CDC5L: variants seen among roughly 807,000 people sequenced by gnomAD.
CDC5L encodes the protein cell division cycle 5-like protein.
CDC5L carries 18 observed loss-of-function variants against 104.1 expected under a neutral mutation model. That is an observed-to-expected ratio of 0.17 (90% CI 0.12 to 0.26). CDC5L has a LOEUF of 0.26. CDC5L is among the 10% of genes least tolerant of loss of function. The pLI, the probability that CDC5L is intolerant of heterozygous loss-of-function variation, is 1.00. For synonymous variants in CDC5L, 331 were observed against 322.7 expected (o/e 1.03, Z -0.28); for missense variants, 673 against 956.9 (o/e 0.70, Z 3.91).
intron 1 of CDC5L, among the ~76,000 whole-genome samples, chr6:44,389,521 G>T (rs991272501): frequency 6.6e-6 from 1 of 152,188 alleles, no homozygotes; most frequent in Non-Finnish European, 1.5e-5. Flanking sequence ...GGCTTGGCTT[G>T]CCAGGCTTCC....
At chr6:44,390,722 AAATT>A (rs1298481633) in intron 2 of CDC5L, among the ~76,000 whole-genome samples, 1 of 152,178 alleles carries the variant, frequency 6.6e-6, no homozygotes, top group East Asian at 1.9e-4. Context: ...CCCAGCTTGT[AAATT>A]AATTGTGTTC....
chr6:44,388,425 G>A (rs1790449243), intron 1 of CDC5L, among the ~76,000 whole-genome samples: 1 of 152,060 alleles, frequency 6.6e-6, no homozygotes, highest in Admixed American at 6.5e-5. Context: ...CAGATCCCAA[G>A]GTCTGTCTCT....
At chr6:44,408,006 C>T (rs1791451537) in intron 7 of CDC5L, among the ~76,000 whole-genome samples, 1 of 152,052 alleles carries the variant, frequency 6.6e-6, no homozygotes, top group Non-Finnish European at 1.5e-5. Flanking sequence ...TGCTATTTTA[C>T]ATTCTTGGTA....
rs1329168496 is a variant in CDC5L at position 44,449,631 on chromosome 6, G to C, written c.*2920G>C. 2 of 152,052 alleles carry C rather than the reference G, an allele frequency of 1.3e-5. No individual in the cohort carries two copies. The allele number at this position is 152,052 out of a possible 1,614,324, so 9.4% of individuals were successfully genotyped here. On this transcript the variant is annotated 3_prime_UTR_variant, in exon 16 of 16. Coordinates refer to ENST00000371477, the MANE Select transcript of CDC5L (RefSeq NM_001253.4). Reference sequence around the variant, plus strand: ...TAACTTTGGGATAGAAATAAAATGTGATAAAAAGCTGAAAGAAACCACCAC... The same window carrying C: ...TAACTTTGGGATAGAAATAAAATGTCATAAAAAGCTGAAAGAAACCACCAC...
At chr6:44,411,637 A>AGAGAGAGAGAGAGTGTGTGTGTGT in intron 8 of CDC5L, among the ~76,000 whole-genome samples, 1 of 123,746 alleles carries the variant, frequency 8.1e-6, no homozygotes, top group East Asian at 5.4e-4. Flanking sequence ...AGAGAGAGAG[A>AGAGAGAGAGAGAGTGTGTGTGTGT]GTGTGTGTGT....
rs934263618 is a variant in CDC5L at position 44,396,324 on chromosome 6, T to A, written c.440-17T>A. On this transcript the variant is annotated splice_polypyrimidine_tract_variant and intron_variant, in intron 4 of 15. Transcript: ENST00000371477. ...AACTAAGAAAATACTTAGTTTTTCTTCTTTTAATTTTTGCAGATGAACTTG... is the reference window on the plus strand; with the variant it reads ...AACTAAGAAAATACTTAGTTTTTCTACTTTTAATTTTTGCAGATGAACTTG... The A allele has an allele frequency of 3.8e-6, 6 of 1,575,110 alleles. No homozygotes were observed. In the Admixed American group the frequency reaches 7.0e-5, roughly 18 times the overall value.
At chr6:44,407,428 G>A (rs9395014) in intron 7 of CDC5L, among the ~76,000 whole-genome samples, 1 of 151,984 alleles carries the variant, frequency 6.6e-6, no homozygotes, top group East Asian at 1.9e-4. Context: ...CCGCGTTCAA[G>A]CGATTCTCCT....
chr6:44,447,124 A>G lies in CDC5L; in HGVS notation c.*413A>G, dbSNP rs370589316. ...AGCTATGTACTCTGTGTCATATTTA[A>G]TGAGTAACTCTTGGGTAATCAAAAT... On this transcript the variant is annotated 3_prime_UTR_variant, in exon 16 of 16. Transcript: ENST00000371477. 113 of 153,164 alleles carry G rather than the reference A, an allele frequency of 7.4e-4. 1 individual carries two copies. In the South Asian group the frequency reaches 0.012, roughly 16 times the overall value. The allele number at this position is 153,164 out of a possible 1,614,324, so 9.5% of individuals were successfully genotyped here.
At position 44,426,603 on chromosome 6, in the gene CDC5L, C is replaced by G. The variant is rs61753598; in HGVS notation, c.1772C>G (p.Pro591Arg). 42 of 1,613,388 alleles carry G rather than the reference C, an allele frequency of 2.6e-5. No individual in the cohort carries two copies. Among genetic ancestry groups the G allele is most frequent in the Admixed American group, 3.3e-5 (2 of 59,972 alleles). ...CTTCATTATGACCTTCTACATCACC[C>G]TTATGAACCATCTGGAAATAAAAAA... is the stretch of plus-strand genomic sequence containing the variant. ...TMLHYDLLHHPYEPSGNKKGK... is the reference protein window; with the variant it reads ...TMLHYDLLHHRYEPSGNKKGK... Residue 591 changes from proline to arginine, a missense_variant, in exon 13 of 16, where the codon CCT becomes CGT. Coordinates refer to ENST00000371477, the MANE Select transcript of CDC5L (RefSeq NM_001253.4).
Position 44,426,631 on chromosome 6 carries a change from C to G in CDC5L, c.1800C>G (p.Gly600=). 1.2e-6 allele frequency: 2 copies of G among 1,613,284 alleles called. No homozygotes were observed. The highest frequency in any genetic ancestry group is 8.5e-7 in the Non-Finnish European group (1 of 1,179,512). ...HPYEPSGNKK[G]KTVGFGTNNS... is the part of the protein sequence containing the mutation. ...ATGAACCATCTGGAAATAAAAAAGGCAAAACTGTAGGGTTTGGTACCAATA... is the reference window on the plus strand; with the variant it reads ...ATGAACCATCTGGAAATAAAAAAGGGAAAACTGTAGGGTTTGGTACCAATA... The change falls in exon 13 of 16, where the codon GGC becomes GGG. Residue 600 remains glycine, a synonymous_variant. Coordinates refer to ENST00000371477, the MANE Select transcript of CDC5L (RefSeq NM_001253.4).
intron 14 of CDC5L, among the ~76,000 whole-genome samples, chr6:44,437,543 A>C (rs1792993735): frequency 6.6e-6 from 1 of 152,222 alleles, no homozygotes; most frequent in Non-Finnish European, 1.5e-5. Flanking sequence ...TTGAGCCAGA[A>C]GACTTGCAAA....
Position 44,450,052 on chromosome 6 carries a change from TG to T in CDC5L, c.*3345del, listed in dbSNP as rs1411090485. ...CTAATTTTTGTGTTTTTAGTAGAGA[TG>T]GGGTTTTGCTATGTTGGCCAGGCTG... On this transcript the variant is annotated 3_prime_UTR_variant, in exon 16 of 16. Transcript: ENST00000371477. The T allele has an allele frequency of 2.6e-5, 4 of 152,008 alleles. No individual in the cohort carries two copies. Among genetic ancestry groups the T allele is most frequent in the African/African-American group, 9.6e-5 (4 of 41,478 alleles). 9.4% of individuals were successfully genotyped at this position (152,008 alleles called of 1,614,324 possible). A position where few individuals can be genotyped will look rare whatever the true frequency, so the allele number is the denominator to read the frequency against.
At chr6:44,443,789 C>T (rs1793320904) in intron 14 of CDC5L, among the ~76,000 whole-genome samples, 1 of 149,384 alleles carries the variant, frequency 6.7e-6, no homozygotes, top group African/African-American at 2.4e-5. Flanking sequence ...TTGGAATTTC[C>T]TGTTGGGTAA....
chr6:44,400,293 A>C (rs1349829895), intron 5 of CDC5L, among the ~76,000 whole-genome samples: 1 of 152,124 alleles, frequency 6.6e-6, no homozygotes, highest in African/African-American at 2.4e-5. Flanking sequence ...TTTTTGTTGG[A>C]AACTAGACAT....
chr6:44,393,853 A>T (rs1790732835), intron 4 of CDC5L, among the ~76,000 whole-genome samples: 1 of 151,872 alleles, frequency 6.6e-6, no homozygotes, highest in Non-Finnish European at 1.5e-5. Context: ...TTTTGTAGAG[A>T]TGGGGTCTCC....
At chr6:44,399,681 G>T (rs1342094201) in intron 5 of CDC5L, among the ~76,000 whole-genome samples, 2 of 152,104 alleles carry the variant, frequency 1.3e-5, no homozygotes, top group African/African-American at 2.4e-5. Flanking sequence ...TTGAGACGGG[G>T]TCTTGCTCTG....
intron 8 of CDC5L, among the ~76,000 whole-genome samples, chr6:44,409,364 C>T (rs1253992304): frequency 6.6e-6 from 1 of 152,172 alleles, no homozygotes; most frequent in Non-Finnish European, 1.5e-5. Flanking sequence ...CCTCTGTGTC[C>T]GTCATGCATA....
At chr6:44,428,712 C>G (rs1021480159) in intron 13 of CDC5L, among the ~76,000 whole-genome samples, 28 of 152,324 alleles carry the variant, frequency 1.8e-4, no homozygotes, top group African/African-American at 6.3e-4. Context: ...CTTTCCCTCT[C>G]ATTCTGTCAT....
At chr6:44,387,946 G>GGC (rs1790408828) in intron 1 of CDC5L, 78 bp downstream of exon 1, 21 of 1,397,542 alleles carry the variant, frequency 1.5e-5, no homozygotes, top group South Asian at 9.9e-5. Flanking sequence ...AGGTCGGGGG[G>GGC]GCGACGAGGA....
Sources: allele counts gnomAD v4.1 joint callset (sites outside exome capture counted in the v4.1 genomes callset), GRCh38; gene constraint gnomAD v4.1.1; transcripts MANE v1.5; gene names NCBI Gene and HGNC (gene_info 2026-07-23, HGNC 2026-07-21).